RERE: variants seen among roughly 807,000 people sequenced by gnomAD.
The protein encoded by RERE is arginine-glutamic acid dipeptide repeats protein.
RERE carries 40 observed loss-of-function variants against 146.1 expected under a neutral mutation model. The observed-to-expected ratio is 0.27, with a 90% CI of 0.21 to 0.36. RERE has a LOEUF of 0.36. Among genes scored for constraint, RERE ranks in the 10% least tolerant of loss-of-function variants. RERE has a pLI of 1.00. For missense variants in RERE, 1,933 were observed against 2,138.7 expected, an observed-to-expected ratio of 0.90 and a Z score of 1.90; for synonymous variants, 1,003 against 866.0, an observed-to-expected ratio of 1.16 and a Z score of -2.78.
intron 12 of RERE, among the ~76,000 whole-genome samples, chr1:8,413,347 TTTGTTG>T (rs891031772): frequency 3.3e-5 from 5 of 151,862 alleles, no homozygotes; most frequent in East Asian, 1.9e-4. Flanking sequence ...AATTTTGTTT[TTTGTTG>T]TTGTTGTTGT....
At chr1:8,537,418 C>T (rs1170505925) in intron 7 of RERE, among the ~76,000 whole-genome samples, 1 of 152,060 alleles carries the variant, frequency 6.6e-6, no homozygotes, top group African/African-American at 2.4e-5. Context: ...TAGAGTAAAA[C>T]TTACACAAAC....
chr1:8,528,490 C>T (rs1310384538), intron 7 of RERE, among the ~76,000 whole-genome samples: 1 of 152,154 alleles, frequency 6.6e-6, no homozygotes, highest in Non-Finnish European at 1.5e-5. Flanking sequence ...TGGGAATACA[C>T]ACTAAAGTAT....
intron 7 of RERE, among the ~76,000 whole-genome samples, chr1:8,529,737 A>C (rs1423460792): frequency 1.3e-5 from 2 of 151,906 alleles, no homozygotes; most frequent in African/African-American, 4.8e-5. Context: ...CTCCAATCTC[A>C]AGAATATAGG....
chr1:8,501,276 C>A (rs1645148032), intron 8 of RERE, among the ~76,000 whole-genome samples: 1 of 134,366 alleles, frequency 7.4e-6, no homozygotes, highest in Non-Finnish European at 1.6e-5. Flanking sequence ...CCCGGTCGCC[C>A]CTACCGGGAA....
intron 1 of RERE, chr1:8,786,123 CT>C (rs139913398): frequency 2.6e-5 from 12 of 458,688 alleles, no homozygotes; most frequent in Non-Finnish European, 3.2e-5. Flanking sequence ...GTCTAACTTT[CT>C]TTTTTTTCAA....
chr1:8,543,979 C>T (rs1048539644), intron 6 of RERE, among the ~76,000 whole-genome samples: 5 of 152,126 alleles, frequency 3.3e-5, no homozygotes, highest in African/African-American at 7.2e-5. Context: ...TTGCACTGTA[C>T]CTCTAATACA....
chr1:8,601,832 C>T (rs1297462648), intron 4 of RERE, among the ~76,000 whole-genome samples: 1 of 152,158 alleles, frequency 6.6e-6, no homozygotes, highest in South Asian at 2.1e-4. Context: ...CATTTGACAG[C>T]TGCCTTTTTA....
At chr1:8,515,099 G>A (rs1482927211) in intron 7 of RERE, among the ~76,000 whole-genome samples, 2 of 152,154 alleles carry the variant, frequency 1.3e-5, no homozygotes, top group African/African-American at 4.8e-5. Context: ...CACTACACGT[G>A]GTGGTGCACA....
chr1:8,386,415 C>CT lies in RERE; in HGVS notation c.1285-20442dup, dbSNP rs1441867417. Reference sequence around the variant, plus strand: ...TGAGATCCTATGAGCTTGTGTGGCCCTGTCTCATAAAGACAGTAAAGCCAC... The same window carrying CT: ...TGAGATCCTATGAGCTTGTGTGGCCCTTGTCTCATAAAGACAGTAAAGCCAC... On this transcript the variant is annotated intron_variant, in intron 12 of 22. Transcript: ENST00000400908. 2.1e-4 allele frequency among the ~76,000 whole-genome samples: 32 copies of CT among 150,968 alleles called. No individual in the cohort carries two copies. In the Admixed American group the frequency reaches 2.1e-3, roughly 10 times the overall value.
intron 4 of RERE, among the ~76,000 whole-genome samples, chr1:8,568,115 G>T (rs1646173722): frequency 6.6e-6 from 1 of 152,116 alleles, no homozygotes; most frequent in Non-Finnish European, 1.5e-5. Flanking sequence ...CATCTAATCG[G>T]CTGGGGTCCA....
At chr1:8,610,447 G>A (rs936419032) in intron 4 of RERE, among the ~76,000 whole-genome samples, 1 of 152,066 alleles carries the variant, frequency 6.6e-6, no homozygotes, top group African/African-American at 2.4e-5. Context: ...AACTTAGCCA[G>A]GCATGGTGGT....
At position 8,670,983 on chromosome 1, in the gene RERE, A is replaced by T. The variant is rs1325049075; in HGVS notation, c.-144-14542T>A. Among the ~76,000 whole-genome samples the T allele has an allele frequency of 2.6e-5, 4 of 152,324 alleles. No homozygotes were observed. In the East Asian group the frequency reaches 7.7e-4, roughly 29 times the overall value. ...ACAGAGCGCACGTGGTGTGAGAAAA[A>T]AGGAGGCCAAGGAAGACAATAAGGT... On this transcript the variant is annotated intron_variant, in intron 1 of 22. Transcript: ENST00000400908.
chr1:8,360,187 G>T lies in RERE; in HGVS notation c.3320C>A (p.Pro1107His). The T allele has an allele frequency of 2.5e-6, 4 of 1,597,718 alleles. No individual in the cohort carries two copies. The highest frequency in any genetic ancestry group is 2.6e-6 in the Non-Finnish European group (3 of 1,173,002). Residue 1107 changes from proline to histidine, a missense_variant, in exon 18 of 23, where the codon CCC becomes CAC. By Grantham distance (77) the Pro-to-His change is moderately conservative. This residue lies in a region of RERE where 1,255 missense variants were observed against 1,153.8 expected (regional missense o/e 1.09). Coordinates refer to ENST00000400908, the MANE Select transcript of RERE (RefSeq NM_001042681.2). ...ALDDAEEPES[P>H]PPPPRSPSPE... ...GGACGGGCTCCTTGGTGGGGGAGGG[G>T]GGCTCTCAGGCTCCTCAGCGTCGTC...
At chr1:8,660,959 A>G (rs1369461210) in intron 1 of RERE, among the ~76,000 whole-genome samples, 1 of 152,256 alleles carries the variant, frequency 6.6e-6, no homozygotes, top group Non-Finnish European at 1.5e-5. Context: ...GTTGGTAAAC[A>G]GCAGAAAACT....
At chr1:8,366,373 G>T (rs1200319897) in intron 12 of RERE, among the ~76,000 whole-genome samples, 1 of 152,268 alleles carries the variant, frequency 6.6e-6, no homozygotes, top group African/African-American at 2.4e-5. Context: ...CTGTGCATGT[G>T]TGTGAACACA....
chr1:8,568,627 C>T (rs906564427), intron 4 of RERE, among the ~76,000 whole-genome samples: 1 of 152,174 alleles, frequency 6.6e-6, no homozygotes, highest in Non-Finnish European at 1.5e-5. Context: ...CATTATGGCA[C>T]AGCACAAAGC....
chr1:8,530,679 CTTTT>C (rs1197212764), intron 7 of RERE, among the ~76,000 whole-genome samples: 3 of 96,938 alleles, frequency 3.1e-5, no homozygotes, highest in South Asian at 3.6e-4. Flanking sequence ...TTTTCGTTTT[CTTTT>C]TTTTTTTTTT....
At chr1:8,806,961 A>G (rs1641704357) in intron 1 of RERE, 1 of 152,264 alleles carries the variant, frequency 6.6e-6, no homozygotes, top group Non-Finnish European at 1.5e-5. Flanking sequence ...CATAGCAGTT[A>G]TCACTGATGG....
chr1:8,762,131 C>G (rs74050285), intron 1 of RERE, among the ~76,000 whole-genome samples: 3,962 of 152,232 alleles, frequency 0.026, 163 homozygotes, highest in African/African-American at 0.09. Context: ...TCCAAGCAAC[C>G]TTGTGTAATC....
Sources: allele counts gnomAD v4.1 joint callset (sites outside exome capture counted in the v4.1 genomes callset), GRCh38; gene constraint gnomAD v4.1.1; regional missense constraint gnomAD v4.1.1; transcripts MANE v1.5; gene names NCBI Gene and HGNC (gene_info 2026-07-23, HGNC 2026-07-21).